AFAP1L1: variants seen among roughly 807,000 people sequenced by gnomAD.
The protein encoded by AFAP1L1 is actin filament-associated protein 1-like 1.
Under a neutral mutation model 99.8 loss-of-function variants are expected in AFAP1L1, and 77 were observed. The observed-to-expected ratio is 0.77, with a 90% CI of 0.64 to 0.93. The LOEUF is 0.93. Among genes scored for constraint, AFAP1L1 ranks in the 40% least tolerant of loss-of-function variants. The probability of loss-of-function intolerance (pLI) is 0.00; values close to 1 mark genes in which losing one functional copy is unlikely to be tolerated. For synonymous variants in AFAP1L1, 373 were observed against 395.3 expected (o/e 0.94, Z 0.67); for missense variants, 893 against 996.8 (o/e 0.90, Z 1.40).
intron 18 of AFAP1L1, among the ~76,000 whole-genome samples, chr5:149,337,508 C>G (rs1757438455): frequency 6.6e-6 from 1 of 152,180 alleles, no homozygotes; most frequent in African/African-American, 2.4e-5. Context: ...CTGCTAAATG[C>G]TTGACACTTC....
At chr5:149,328,881 G>A (rs1757170050) in intron 15 of AFAP1L1, among the ~76,000 whole-genome samples, 1 of 152,174 alleles carries the variant, frequency 6.6e-6, no homozygotes, top group Non-Finnish European at 1.5e-5. Flanking sequence ...TCAGCATATA[G>A]TTCCTTGTGT....
At position 149,342,536 on chromosome 5, in the gene AFAP1L1, C is replaced by T. The variant is rs1313783464; in HGVS notation, c.*2506C>T. 1.3e-5 allele frequency among the ~76,000 whole-genome samples: 2 copies of T among 152,240 alleles called. No individual in the cohort carries two copies. Among genetic ancestry groups the T allele is most frequent in the Non-Finnish European group, 2.9e-5 (2 of 68,046 alleles). The stretch of plus-strand genomic sequence containing the variant: ...CGAATGAATGCATGGATGCAAGCAG[C>T]AACCTGGTGAACGTTAGGCAGCTAG... On this transcript the variant is annotated 3_prime_UTR_variant, in exon 19 of 19. Transcript: ENST00000296721.
At chr5:149,322,910 G>A (rs1162954876) in intron 15 of AFAP1L1, among the ~76,000 whole-genome samples, 193 bp downstream of exon 15, 2 of 152,134 alleles carry the variant, frequency 1.3e-5, no homozygotes, top group Non-Finnish European at 2.9e-5. Context: ...GCCTCAGAGG[G>A]AAAATGACAG....
At position 149,335,655 on chromosome 5, in the gene AFAP1L1, C is replaced by G; in HGVS notation, c.2216C>G (p.Ser739Cys). The G allele has an allele frequency of 6.2e-7, 1 of 1,613,586 alleles. No individual in the cohort carries two copies. The highest frequency in any genetic ancestry group is 8.5e-7 in the Non-Finnish European group (1 of 1,180,020). ...CAACCTCTCCCTGTCAACTGTGTTT[C>G]TGAGCTGAGGAAGAGGAGCCCATCC... ...PEQPLPVNCV[S>C]ELRKRSPSIV... is the part of the protein sequence containing the mutation. The change falls in exon 18 of 19, where the codon TCT becomes TGT. Residue 739 changes from serine (S) to cysteine (C), a missense_variant. Transcript: ENST00000296721.
chr5:149,298,402 G>T (rs1756082902), intron 1 of AFAP1L1, among the ~76,000 whole-genome samples: 1 of 152,162 alleles, frequency 6.6e-6, no homozygotes, highest in Non-Finnish European at 1.5e-5. Flanking sequence ...GTGGTTAAAA[G>T]AAGAGAATGA....
intron 1 of AFAP1L1, among the ~76,000 whole-genome samples, chr5:149,278,031 C>T (rs1755392719): frequency 6.6e-6 from 1 of 152,176 alleles, no homozygotes; most frequent in African/African-American, 2.4e-5. Context: ...CATGAGTAAG[C>T]ATTCTGCCAA....
chr5:149,293,228 GCAGCTACTGTGAT>G (rs1241049253), intron 1 of AFAP1L1, among the ~76,000 whole-genome samples: 1 of 152,202 alleles, frequency 6.6e-6, no homozygotes, highest in Non-Finnish European at 1.5e-5. Flanking sequence ...ACCTTGTGAA[GCAGCTACTGTGAT>G]CACCCCCACT....
rs190988198 is a variant in AFAP1L1 at position 149,302,759 on chromosome 5, G to T, written c.436+233G>T. The T allele has an allele frequency of 2.1e-5, 9 of 421,838 alleles. No homozygotes were observed. In the East Asian group the frequency reaches 3.3e-4, roughly 15 times the overall value. The allele number at this position is 421,838 out of a possible 1,614,324, so 26.1% of individuals were successfully genotyped here. On this transcript the variant is annotated intron_variant, in intron 5 of 18. Transcript: ENST00000296721. ...GCTTAGGTTCTAGTCCCAGATCTGT[G>T]TGGCCTTGGAAAATCCCCTTGCCCT...
At chr5:149,330,964 A>T (rs546173253) in intron 16 of AFAP1L1, among the ~76,000 whole-genome samples, 6 of 151,996 alleles carry the variant, frequency 3.9e-5, no homozygotes, top group South Asian at 2.1e-4. Flanking sequence ...ATTTTTTTTT[A>T]AATTTTGCAC....
intron 18 of AFAP1L1, among the ~76,000 whole-genome samples, chr5:149,339,765 G>A (rs1394117659): frequency 6.6e-6 from 1 of 152,070 alleles, no homozygotes; most frequent in East Asian, 1.9e-4. Flanking sequence ...AAAGGGTTTT[G>A]GATATAAATT....
In AFAP1L1 at chr5:149,328,895, G is replaced by C. The variant is rs539877467; in HGVS notation, c.1811-771G>C. Among the ~76,000 whole-genome samples the C allele has an allele frequency of 3.3e-5, 5 of 152,274 alleles. No individual in the cohort carries two copies. In the East Asian group the frequency reaches 9.6e-4, roughly 29 times the overall value. Reference sequence around the variant, plus strand: ...CTCAGCATATAGTTCCTTGTGTGTAGTAAATAATAAATAATTTTTGCCATA... The same window carrying C: ...CTCAGCATATAGTTCCTTGTGTGTACTAAATAATAAATAATTTTTGCCATA... On this transcript the variant is annotated intron_variant, in intron 15 of 18. Transcript: ENST00000296721.
chr5:149,291,620 C>G (rs867040810), intron 1 of AFAP1L1, among the ~76,000 whole-genome samples: 20 of 151,428 alleles, frequency 1.3e-4, no homozygotes, highest in African/African-American at 4.8e-4. Flanking sequence ...TTCCTTCACC[C>G]TACCCAAGCA....
intron 7 of AFAP1L1, among the ~76,000 whole-genome samples, chr5:149,308,558 C>T (rs1230192975): frequency 6.6e-6 from 1 of 152,104 alleles, no homozygotes; most frequent in African/African-American, 2.4e-5. Context: ...AACATAATTT[C>T]AGAAAAAGAA....
In AFAP1L1 at chr5:149,309,944, C is replaced by T; in HGVS notation, c.748-12C>T. 6.2e-7 allele frequency: 1 copy of T among 1,614,214 alleles called. No individual in the cohort carries two copies. Among genetic ancestry groups the T allele is most frequent in the Non-Finnish European group, 8.5e-7 (1 of 1,180,038 alleles). Reference sequence around the variant, plus strand: ...CTTCAGAAGATCCTGATGTGTTTCTCTCCCTGTCCAGTGTTACAAAAGCTC... The same window carrying T: ...CTTCAGAAGATCCTGATGTGTTTCTTTCCCTGTCCAGTGTTACAAAAGCTC... On this transcript the variant is annotated splice_polypyrimidine_tract_variant and intron_variant, in intron 7 of 18. Transcript: ENST00000296721.
chr5:149,279,972 G>A (rs549785716), intron 1 of AFAP1L1, among the ~76,000 whole-genome samples: 40 of 152,302 alleles, frequency 2.6e-4, no homozygotes, highest in African/African-American at 9.4e-4. Flanking sequence ...AGCTCTGTTG[G>A]GGCAGGGCTC....
rs557011028 is a variant in AFAP1L1 at position 149,307,169 on chromosome 5, T to C, written c.536-233T>C. 2.0e-5 allele frequency among the ~76,000 whole-genome samples: 3 copies of C among 151,880 alleles called. No homozygotes were observed. The South Asian group carries it at 6.2e-4, about 32-fold the overall frequency. ...GGCTGAGACAGGAGAATCGCTTGAA[T>C]TCGGGAGGTAGAGGTTGCAGCGAGC... On this transcript the variant is annotated intron_variant, in intron 6 of 18. Transcript: ENST00000296721.
chr5:149,289,559 T>C (rs1561662800), intron 1 of AFAP1L1, among the ~76,000 whole-genome samples: 1 of 152,112 alleles, frequency 6.6e-6, no homozygotes, highest in African/African-American at 2.4e-5. Flanking sequence ...TGATAAACAA[T>C]GCGAGTCCAA....
intron 8 of AFAP1L1, among the ~76,000 whole-genome samples, chr5:149,310,557 T>C (rs1359948030): frequency 6.6e-6 from 1 of 152,230 alleles, no homozygotes; most frequent in Non-Finnish European, 1.5e-5. Context: ...TTTCTGCCTC[T>C]GCAGCTACAC....
At position 149,322,694 on chromosome 5, in the gene AFAP1L1, T is replaced by C; in HGVS notation, c.1787T>C (p.Val596Ala). 6.3e-7 allele frequency: 1 copy of C among 1,588,280 alleles called. No homozygotes were observed. Among genetic ancestry groups the C allele is most frequent in the Non-Finnish European group, 8.6e-7 (1 of 1,166,272 alleles). The change falls in exon 15 of 19, where the codon GTC becomes GCC. Residue 596 changes from valine to alanine, a missense_variant. Coordinates refer to ENST00000296721, the MANE Select transcript of AFAP1L1 (RefSeq NM_152406.4). ...SEKSHRVDPQ[V>A]KVKRHASSAN... Reference sequence around the variant, plus strand: ...AAGTCCCATCGTGTGGACCCGCAGGTCAAAGTCAAACGCCACGCCTCCAGT... The same window carrying C: ...AAGTCCCATCGTGTGGACCCGCAGGCCAAAGTCAAACGCCACGCCTCCAGT...
Sources: allele counts gnomAD v4.1 joint callset (sites outside exome capture counted in the v4.1 genomes callset), GRCh38; gene constraint gnomAD v4.1.1; transcripts MANE v1.5; gene names NCBI Gene and HGNC (gene_info 2026-07-23, HGNC 2026-07-21).